The following MYO7A variants were observed in gnomAD, a reference collection of about 807,000 sequenced individuals.
MYO7A encodes the protein myosin VIIA.
In MYO7A, 210 loss-of-function variants were observed where a neutral mutation model predicts 263.8. The observed-to-expected ratio is 0.80, with a 90% CI of 0.71 to 0.89. MYO7A has a LOEUF of 0.89. Ranked by LOEUF, MYO7A falls within the 40% of genes least tolerant of loss-of-function variation. The probability of loss-of-function intolerance (pLI) is 0.00; values close to 1 mark genes in which losing one functional copy is unlikely to be tolerated. For synonymous variants in MYO7A, 1,239 were observed against 1,197.3 expected (o/e 1.03, Z -0.72); for missense variants, 2,820 against 2,968.3 (o/e 0.95, Z 1.16).
chr11:77,190,048 C>A lies in MYO7A; in HGVS notation c.3659C>A (p.Pro1220Gln). 1 of 1,565,340 alleles carries A rather than the reference C, an allele frequency of 6.4e-7. No homozygotes were observed. Among genetic ancestry groups the A allele is most frequent in the Non-Finnish European group, 8.7e-7 (1 of 1,155,522 alleles). ...CTGCGGAACTTCATCCACGGGGGCC[C>A]GCCCGGCTACGCCCCGTACTGTGAG... is the stretch of plus-strand genomic sequence containing the variant. ...KYLRNFIHGG[P>Q]PGYAPYCEER... The change falls in exon 29 of 49, where the codon CCG becomes CAG. Residue 1220 changes from proline to glutamine, a missense_variant. Pro to Gln is a moderately conservative substitution (Grantham distance 76). Transcript: ENST00000409709.
chr11:77,131,897 C>G (rs571688842), intron 2 of MYO7A, among the ~76,000 whole-genome samples: 168 of 152,368 alleles, frequency 1.1e-3, no homozygotes, highest in African/African-American at 3.9e-3. Context: ...CTAATGGGCT[C>G]CAGCCCAGGC....
At chr11:77,192,934 T>G (rs796451404) in intron 31 of MYO7A, among the ~76,000 whole-genome samples, 225 of 3,426 alleles carry the variant, frequency 0.066, 28 homozygotes, top group African/African-American at 0.16. Flanking sequence ...TGGTGTTGTT[T>G]GTGATGGTGG....
intron 4 of MYO7A, among the ~76,000 whole-genome samples, chr11:77,154,072 G>A (rs985475702): frequency 3.3e-5 from 5 of 152,210 alleles, no homozygotes; most frequent in Admixed American, 6.5e-5. Context: ...CTGAGATTGA[G>A]CCACTGCACC....
Position 77,172,852 on chromosome 11 carries a change from A to T in MYO7A, c.1902A>T (p.Arg634=). 6.4e-7 allele frequency: 1 copy of T among 1,552,172 alleles called. No individual in the cohort carries two copies. Among genetic ancestry groups the T allele is most frequent in the Non-Finnish European group, 8.7e-7 (1 of 1,147,324 alleles). ...GTGCCTGCCAGCCCTTCTTTGTGCGATGCATCAAGCCCAATGAGTTCAAGA... is the reference window on the plus strand; with the variant it reads ...GTGCCTGCCAGCCCTTCTTTGTGCGTTGCATCAAGCCCAATGAGTTCAAGA... ...TLGACQPFFV[R]CIKPNEFKKP... Residue 634 remains arginine (R), a synonymous_variant, in exon 16 of 49, where the codon CGA becomes CGT. Coordinates refer to ENST00000409709, the MANE Select transcript of MYO7A (RefSeq NM_000260.4).
Position 77,202,341 on chromosome 11 carries a change from C to T in MYO7A, c.5085C>T (p.Val1695=). 5 of 1,580,562 alleles carry T rather than the reference C, an allele frequency of 3.2e-6. No individual in the cohort carries two copies. The highest frequency in any genetic ancestry group is 4.3e-6 in the Non-Finnish European group (5 of 1,162,454). ...CTCCCGATCAGAGGCAGGACGTTGT[C>T]CGGCTCTTGCAGCTGCGAACGGCGG... ...TMTPDQRQDV[V]RLLQLRTAEP... is the part of the protein sequence containing the mutation. Residue 1695 remains valine (V), a synonymous_variant, in exon 37 of 49, where the codon GTC becomes GTT. Transcript: ENST00000409709.
intron 32 of MYO7A, among the ~76,000 whole-genome samples, chr11:77,195,078 C>T (rs1415510906): frequency 6.6e-6 from 1 of 152,074 alleles, no homozygotes; most frequent in Non-Finnish European, 1.5e-5. Flanking sequence ...TCTCCATGGC[C>T]CTGGCTGTGC....
At chr11:77,207,116 C>T (rs1957491403) in intron 41 of MYO7A, 173 bp from the exon 42 acceptor site, 1 of 546,306 alleles carries the variant, frequency 1.8e-6, no homozygotes, top group Non-Finnish European at 3.3e-6. Flanking sequence ...CCTGGGAAGA[C>T]CCAGACAGGA....
At chr11:77,164,321 G>A in intron 14 of MYO7A, among the ~76,000 whole-genome samples, 1 of 149,358 alleles carries the variant, frequency 6.7e-6, no homozygotes, top group East Asian at 2.0e-4. Context: ...CCTGAGCCCT[G>A]CCATACAGCC....
chr11:77,211,847 C>G lies in MYO7A; in HGVS notation c.6264C>G (p.His2088Gln). The change falls in exon 46 of 49, where the codon CAC (histidine) becomes CAG (glutamine). Residue 2088 changes from histidine (H) to glutamine (Q), a missense_variant. Coordinates refer to ENST00000409709, the MANE Select transcript of MYO7A (RefSeq NM_000260.4). Reference sequence around the variant, plus strand: ...CCATCGTCGCCTACTTCAACAAGCACGCAGGGAAGTCCAAGGAGGAGGCCA... The same window carrying G: ...CCATCGTCGCCTACTTCAACAAGCAGGCAGGGAAGTCCAAGGAGGAGGCCA... ...KRSIVAYFNK[H>Q]AGKSKEEAKL... is the part of the protein sequence containing the mutation. 3 of 1,613,930 alleles carry G rather than the reference C, an allele frequency of 1.9e-6. No homozygotes were observed. The highest frequency in any genetic ancestry group is 2.5e-6 in the Non-Finnish European group (3 of 1,179,832).
At position 77,208,452 on chromosome 11, in the gene MYO7A, ACTT is replaced by A. The variant is rs111033232; in HGVS notation, c.5886_5888del (p.Phe1963del). ...CAGGTCCTCAGCGTTCCTGAGAATG[ACTT>A]CTTCTTTGACTTTGTTCGACACTTG... On this transcript the variant is annotated inframe_deletion, in exon 43 of 49. Coordinates refer to ENST00000409709, the MANE Select transcript of MYO7A (RefSeq NM_000260.4). 40 of 1,613,408 alleles carry A rather than the reference ACTT, an allele frequency of 2.5e-5. No homozygotes were observed. Among genetic ancestry groups the A allele is most frequent in the East Asian group, 6.7e-5 (3 of 44,878 alleles).
At chr11:77,153,522 C>T (rs563641299) in intron 4 of MYO7A, among the ~76,000 whole-genome samples, 2 of 152,244 alleles carry the variant, frequency 1.3e-5, no homozygotes, top group Middle Eastern at 3.4e-3. Flanking sequence ...GGGCCAGCTT[C>T]TCACAGCGTC....
chr11:77,162,106 C>T lies in MYO7A; in HGVS notation c.1344-14C>T, dbSNP rs538807487. ...CCTGAACAACACCCTTACCCCATCCCTGTGCCCCTGCAGCTTTGAGCAGCT... is the reference window on the plus strand; with the variant it reads ...CCTGAACAACACCCTTACCCCATCCTTGTGCCCCTGCAGCTTTGAGCAGCT... On this transcript the variant is annotated splice_polypyrimidine_tract_variant and intron_variant, in intron 12 of 48. Coordinates refer to ENST00000409709, the MANE Select transcript of MYO7A (RefSeq NM_000260.4). 6.3e-6 allele frequency: 10 copies of T among 1,587,042 alleles called. No homozygotes were observed. In the South Asian group the frequency reaches 8.1e-5, roughly 13 times the overall value.
intron 19 of MYO7A, among the ~76,000 whole-genome samples, chr11:77,178,244 T>TCCATCCATCCGCCCAC (rs1954826201): frequency 6.6e-6 from 1 of 151,320 alleles, no homozygotes; most frequent in African/African-American, 2.4e-5. Context: ...CATCCATCCA[T>TCCATCCATCCGCCCAC]CCATCCACCC....
chr11:77,213,409 G>T (rs969017096), intron 47 of MYO7A, among the ~76,000 whole-genome samples: 9 of 152,228 alleles, frequency 5.9e-5, no homozygotes, highest in African/African-American at 2.2e-4. Context: ...TGGACAGGTG[G>T]TGAAGAGGGC....
intron 2 of MYO7A, among the ~76,000 whole-genome samples, chr11:77,130,863 C>T (rs1555045878): frequency 6.6e-6 from 1 of 152,248 alleles, no homozygotes; most frequent in Non-Finnish European, 1.5e-5. Flanking sequence ...GCTCACCCCA[C>T]TGGGCAGAAA....
In MYO7A at chr11:77,193,078, A is replaced by AGTGATGGT. The variant is rs1555094300; in HGVS notation, c.4152+802_4152+803insGATGGTGT. Among the ~76,000 whole-genome samples, 18 of 27,042 alleles carry AGTGATGGT rather than the reference A, an allele frequency of 6.7e-4. 4 individuals are homozygous for AGTGATGGT. The highest frequency in any genetic ancestry group is 4.0e-3 in the African/African-American group (18 of 4,480). The allele number at this position is 27,042 out of a possible 152,430, so 17.7% of individuals were successfully genotyped here. On this transcript the variant is annotated intron_variant, in intron 31 of 48. Transcript: ENST00000409709. ...TGATGGTGTTGGTGATGGTGGAGGT[A>AGTGATGGT]GTTGTTTGTGATGGTGGAGGTAGTG...
At chr11:77,173,528 G>A (rs540720132) in intron 16 of MYO7A, among the ~76,000 whole-genome samples, 20 of 152,306 alleles carry the variant, frequency 1.3e-4, no homozygotes, top group Admixed American at 5.9e-4. Context: ...TTAGAGATGC[G>A]GGACTGGGGG....
At chr11:77,163,279 T>C (rs143889674) in intron 14 of MYO7A, among the ~76,000 whole-genome samples, 1 of 151,964 alleles carries the variant, frequency 6.6e-6, no homozygotes, top group African/African-American at 2.4e-5. Flanking sequence ...CCCGGCCCCC[T>C]GTAACCTGTG....
In MYO7A at chr11:77,172,733, C is replaced by A. The variant is rs115708180; in HGVS notation, c.1798-15C>A. Reference sequence around the variant, plus strand: ...CAGGCACAGCCCCTCCCATCGCTGCCGTCCGTCCCCCCAGGGCGCCGAGAC... The same window carrying A: ...CAGGCACAGCCCCTCCCATCGCTGCAGTCCGTCCCCCCAGGGCGCCGAGAC... On this transcript the variant is annotated splice_polypyrimidine_tract_variant and intron_variant, in intron 15 of 48. Transcript: ENST00000409709. The A allele has an allele frequency of 3.2e-6, 5 of 1,550,924 alleles. No homozygotes were observed. The highest frequency in any genetic ancestry group is 4.4e-6 in the Non-Finnish European group (5 of 1,148,304).
Sources: allele counts gnomAD v4.1 joint callset (sites outside exome capture counted in the v4.1 genomes callset), GRCh38; gene constraint gnomAD v4.1.1; transcripts MANE v1.5; gene names NCBI Gene and HGNC (gene_info 2026-07-23, HGNC 2026-07-21).